Variants in SUCLA2 observed in about 807,000 individuals in gnomAD.
SUCLA2 encodes succinate--CoA ligase [ADP-forming] subunit beta, mitochondrial.
A neutral mutation model predicts 54.8 loss-of-function variants in SUCLA2; 30 were observed. That is an observed-to-expected ratio of 0.55 (90% CI 0.41 to 0.74). The LOEUF is 0.74. Among genes scored for constraint, SUCLA2 ranks in the 30% least tolerant of loss-of-function variants. The pLI is 0.00. For synonymous variants in SUCLA2, 172 were observed against 188.9 expected (o/e 0.91, Z 0.74); for missense variants, 476 against 562.9 (o/e 0.85, Z 1.56).
chr13:47,971,973 G>A (rs1330616586), intron 5 of SUCLA2: 6 of 397,474 alleles, frequency 1.5e-5, no homozygotes, highest in South Asian at 1.3e-4. Flanking sequence ...TGAAGGGACC[G>A]GACGCGGTGG....
At chr13:47,981,491 A>G (rs1950059893) in intron 4 of SUCLA2, among the ~76,000 whole-genome samples, 1 of 152,146 alleles carries the variant, frequency 6.6e-6, no homozygotes, top group South Asian at 2.1e-4. Context: ...GAAAAACTGG[A>G]AGCTTTGTCT....
chr13:47,984,635 G>A (rs1950086962), intron 4 of SUCLA2, among the ~76,000 whole-genome samples: 1 of 152,028 alleles, frequency 6.6e-6, no homozygotes, highest in Non-Finnish European at 1.5e-5. Context: ...CTGTAGCAGG[G>A]CATCGTGGAA....
chr13:47,943,853 C>G (rs1949708327), intron 10 of SUCLA2, among the ~76,000 whole-genome samples: 1 of 150,826 alleles, frequency 6.6e-6, no homozygotes, highest in Non-Finnish European at 1.5e-5. Flanking sequence ...CAAAGCACAT[C>G]TAAGTAAAAA....
At position 47,988,922 on chromosome 13, in the gene SUCLA2, A is replaced by C. The variant is rs1390092661; in HGVS notation, c.331T>G (p.Phe111Val). The change falls in exon 3 of 11, where the codon TTT becomes GTT. Residue 111 changes from phenylalanine to valine, a missense_variant. Physicochemically the swap from Phe to Val is conservative, Grantham distance 50. Transcript: ENST00000646932. The part of the protein sequence containing the change: ...VLAGGRGKGT[F>V]ESGLKGGVKI... ...ACTCCTCCTTTGAGGCCACTTTCAA[A>C]TGTTCCTTTTCCTCTACCACCAGCT... 1 of 1,613,456 alleles carries C rather than the reference A, an allele frequency of 6.2e-7. No homozygotes were observed. The highest frequency in any genetic ancestry group is 8.5e-7 in the Non-Finnish European group (1 of 1,179,978).
At chr13:47,971,213 G>A (rs1373168547) in intron 5 of SUCLA2, among the ~76,000 whole-genome samples, 2 of 152,104 alleles carry the variant, frequency 1.3e-5, no homozygotes, top group African/African-American at 2.4e-5. Context: ...AGGAGTTCTG[G>A]AGCAGCCTGC....
At chr13:48,000,774 G>A in intron 1 of SUCLA2, 1 of 876,110 alleles carries the variant, frequency 1.1e-6, no homozygotes, top group South Asian at 3.3e-5. Flanking sequence ...CAGCTCCCAA[G>A]AAACACAAAA....
intron 1 of SUCLA2, chr13:48,000,750 A>G: frequency 1.6e-6 from 1 of 622,166 alleles, no homozygotes; most frequent in Non-Finnish European, 2.0e-6. Context: ...GTCCTCTGAC[A>G]TTCCCACCTA....
intron 5 of SUCLA2, 65 bp from the exon 6 acceptor site, chr13:47,968,798 A>G: frequency 6.4e-7 from 1 of 1,552,396 alleles, no homozygotes; most frequent in Non-Finnish European, 8.7e-7. Context: ...TACTATAAAT[A>G]AAAAGCCTTG....
chr13:47,977,181 T>C (rs1309707360), intron 4 of SUCLA2, among the ~76,000 whole-genome samples: 2 of 152,112 alleles, frequency 1.3e-5, no homozygotes, highest in Admixed American at 6.5e-5. Flanking sequence ...TATCAACAAA[T>C]TGAATAACCT....
intron 4 of SUCLA2, among the ~76,000 whole-genome samples, chr13:47,986,304 T>G (rs78718358): frequency 1.3e-5 from 2 of 152,204 alleles, no homozygotes; most frequent in Admixed American, 6.5e-5. Flanking sequence ...GTGCTGGGAT[T>G]ACAGGCGTGA....
chr13:47,943,766 G>GTGTGTGTGTGTGTA (rs1300486540), intron 10 of SUCLA2, among the ~76,000 whole-genome samples: 4 of 139,672 alleles, frequency 2.9e-5, no homozygotes, highest in African/African-American at 8.1e-5. Flanking sequence ...GTGTGTGTGT[G>GTGTGTGTGTGTGTA]TATATATATA....
intron 5 of SUCLA2, among the ~76,000 whole-genome samples, chr13:47,969,992 C>A (rs1307595833): frequency 2.0e-5 from 3 of 151,536 alleles, no homozygotes; most frequent in African/African-American, 7.3e-5. Context: ...ATCCCAGCTA[C>A]TCGAGAGGCT....
At chr13:47,995,742 T>TA (rs1250535729) in intron 2 of SUCLA2, among the ~76,000 whole-genome samples, 1 of 152,196 alleles carries the variant, frequency 6.6e-6, no homozygotes, top group Non-Finnish European at 1.5e-5. Flanking sequence ...GGATTTAAAA[T>TA]ACTGCTAAAA....
Position 47,968,576 on chromosome 13 carries a change from A to G in SUCLA2, c.802+19T>C, listed in dbSNP as rs1364480177. ...AGAAATAAATGCATAATCATGTTAG[A>G]CAAAAGAAGATACTTTACCAGCTCC... On this transcript the variant is annotated intron_variant, in intron 6 of 10. Coordinates refer to ENST00000646932, the MANE Select transcript of SUCLA2 (RefSeq NM_003850.3). The G allele has an allele frequency of 6.2e-7, 1 of 1,611,124 alleles. No individual in the cohort carries two copies.
intron 8 of SUCLA2, among the ~76,000 whole-genome samples, chr13:47,951,225 C>T (rs1341999425): frequency 6.6e-6 from 1 of 151,900 alleles, no homozygotes; most frequent in Non-Finnish European, 1.5e-5. Context: ...ATTCTCCGCT[C>T]AACCTCCTTC....
In SUCLA2 at chr13:47,956,363, G is replaced by A. The variant is rs142242815; in HGVS notation, c.803-1806C>T. ...CAAAGAGAAATTATCCAATCTGCAG[G>A]AAGAAAAAAAAAGAAAAAAGAAACT... is the stretch of plus-strand genomic sequence containing the variant. On this transcript the variant is annotated intron_variant, in intron 6 of 10. Coordinates refer to ENST00000646932, the MANE Select transcript of SUCLA2 (RefSeq NM_003850.3). 1.2e-4 allele frequency among the ~76,000 whole-genome samples: 18 copies of A among 150,948 alleles called. No homozygotes were observed. The East Asian group carries it at 3.5e-3, about 29-fold the overall frequency.
intron 4 of SUCLA2, among the ~76,000 whole-genome samples, chr13:47,980,867 G>A (rs1339605710): frequency 3.3e-5 from 5 of 152,040 alleles, no homozygotes; most frequent in African/African-American, 9.7e-5. Flanking sequence ...TTCAACAAAT[G>A]GTGCTAGAAA....
intron 4 of SUCLA2, among the ~76,000 whole-genome samples, chr13:47,981,760 C>A (rs532620749): frequency 1.3e-5 from 2 of 152,314 alleles, no homozygotes; most frequent in East Asian, 3.9e-4. Context: ...AGGTTGTGAG[C>A]CGAGATCGCA....
In SUCLA2 at chr13:47,973,255, AC is replaced by A; in HGVS notation, c.663+8del. On this transcript the variant is annotated splice_region_variant and intron_variant, in intron 5 of 10. Transcript: ENST00000646932. ...CATAAGCTAGAAATTTTTCAGGAATACAACATACCTGGAGAGCTTGTTCCTT... is the reference window on the plus strand; with the variant it reads ...CATAAGCTAGAAATTTTTCAGGAATAAACATACCTGGAGAGCTTGTTCCTT... 1.2e-6 allele frequency: 2 copies of A among 1,610,608 alleles called. No homozygotes were observed. The highest frequency in any genetic ancestry group is 1.7e-6 in the Non-Finnish European group (2 of 1,178,310).
Sources: allele counts gnomAD v4.1 joint callset (sites outside exome capture counted in the v4.1 genomes callset), GRCh38; gene constraint gnomAD v4.1.1; transcripts MANE v1.5; gene names NCBI Gene and HGNC (gene_info 2026-07-23, HGNC 2026-07-21).